SPPL2A: variants seen among roughly 807,000 people sequenced by gnomAD.
The protein encoded by SPPL2A is signal peptide peptidase like 2A, also known as signal peptide peptidase-like 2A.
SPPL2A carries 51 observed loss-of-function variants against 63.8 expected under a neutral mutation model. The ratio of observed to expected loss-of-function variants is 0.80; its 90% CI spans 0.64 to 1.01. The LOEUF (loss-of-function observed/expected upper bound fraction) is 1.01. Among genes scored for constraint, SPPL2A ranks in the 50% least tolerant of loss-of-function variants. SPPL2A has a pLI of 0.00. For missense variants in SPPL2A, 553 were observed against 622.7 expected, an observed-to-expected ratio of 0.89 and a Z score of 1.19; for synonymous variants, 188 against 205.8, an observed-to-expected ratio of 0.91 and a Z score of 0.74.
intron 1 of SPPL2A, among the ~76,000 whole-genome samples, chr15:50,765,263 T>C (rs1048107107): frequency 6.8e-6 from 1 of 147,952 alleles, no homozygotes; most frequent in African/African-American, 2.5e-5. Flanking sequence ...GGCGGGAAAG[T>C]TGGGGGAAAG....
intron 14 of SPPL2A, among the ~76,000 whole-genome samples, chr15:50,715,335 G>A (rs2062592534): frequency 6.6e-6 from 1 of 152,032 alleles, no homozygotes; most frequent in African/African-American, 2.4e-5. Flanking sequence ...CAAAGCATTT[G>A]TTCACTGGGA....
chr15:50,725,305 C>T lies in SPPL2A; in HGVS notation c.1165G>A (p.Val389Ile), dbSNP rs2062677423. The T allele has an allele frequency of 1.9e-6, 3 of 1,587,944 alleles. No individual in the cohort carries two copies. The highest frequency in any genetic ancestry group is 1.7e-5 in the Admixed American group (1 of 58,210). ...NNEKLPVVIRVPKLIYFSVMS... is the reference protein window; with the variant it reads ...NNEKLPVVIRIPKLIYFSVMS... ...ACTGAGAAATAGATCAGTTTTGGTACTCTGATGACTACTGGCAACTGTTCA... is the reference window on the plus strand; with the variant it reads ...ACTGAGAAATAGATCAGTTTTGGTATTCTGATGACTACTGGCAACTGTTCA... Residue 389 changes from valine to isoleucine, a missense_variant, in exon 12 of 15, where the codon GTA (valine) becomes ATA (isoleucine). Transcript: ENST00000261854.
At chr15:50,761,804 C>T (rs563627288) in intron 1 of SPPL2A, among the ~76,000 whole-genome samples, 3 of 151,112 alleles carry the variant, frequency 2.0e-5, no homozygotes, top group South Asian at 2.1e-4. Flanking sequence ...GGCATCACGA[C>T]GTGCACCTGT....
At chr15:50,718,058 G>A (rs137861878) in intron 14 of SPPL2A, among the ~76,000 whole-genome samples, 1,900 of 131,770 alleles carry the variant, frequency 0.014, 52 homozygotes, top group East Asian at 0.1. Context: ...TGCAAGCTCC[G>A]CCTCCCAGGT....
rs1302082969 is a variant in SPPL2A at position 50,705,871 on chromosome 15, T to C, written c.*1929A>G. On this transcript the variant is annotated 3_prime_UTR_variant, in exon 15 of 15. Coordinates refer to ENST00000261854, the MANE Select transcript of SPPL2A (RefSeq NM_032802.4). ...GATATAGTTCTGTTCACATATTTTATACATTATTTACAGAGAAATGAAAAA... is the reference window on the plus strand; with the variant it reads ...GATATAGTTCTGTTCACATATTTTACACATTATTTACAGAGAAATGAAAAA... 3 of 152,212 alleles carry C rather than the reference T, an allele frequency of 2.0e-5. No homozygotes were observed. Among genetic ancestry groups the C allele is most frequent in the African/African-American group, 7.2e-5 (3 of 41,454 alleles). The allele number at this position is 152,212 out of a possible 1,614,324, so 9.4% of individuals were successfully genotyped here. A position where few individuals can be genotyped will look rare whatever the true frequency, so the allele number is the denominator to read the frequency against.
Position 50,703,502 on chromosome 15 carries a change from A to T in SPPL2A, c.*4298T>A, listed in dbSNP as rs1567144150. 1 of 150,342 alleles carries T rather than the reference A, an allele frequency of 6.7e-6. No individual in the cohort carries two copies. The highest frequency in any genetic ancestry group is 2.0e-4 in the East Asian group (1 of 5,124). 9.3% of individuals were successfully genotyped at this position (150,342 alleles called of 1,614,324 possible). Reference sequence around the variant, plus strand: ...CTCAGTCTCCTGAGTAGCTGGGGTTACAGGCGAGCCCCACCACACCCAGCT... The same window carrying T: ...CTCAGTCTCCTGAGTAGCTGGGGTTTCAGGCGAGCCCCACCACACCCAGCT... On this transcript the variant is annotated 3_prime_UTR_variant, in exon 15 of 15. Coordinates refer to ENST00000261854, the MANE Select transcript of SPPL2A (RefSeq NM_032802.4).
intron 1 of SPPL2A, among the ~76,000 whole-genome samples, chr15:50,760,232 AAG>A (rs1596401471): frequency 6.6e-6 from 1 of 151,878 alleles, no homozygotes; most frequent in Admixed American, 6.6e-5. Flanking sequence ...TCACATGGCA[AAG>A]AGAGAGAGAA....
In SPPL2A at chr15:50,720,117, A is replaced by C; in HGVS notation, c.1328-17T>G. Reference sequence around the variant, plus strand: ...TAGCATAGGCTGCAAGAAGAATACCAAGCTATAAGTCATTTCTACATGTTA... The same window carrying C: ...TAGCATAGGCTGCAAGAAGAATACCCAGCTATAAGTCATTTCTACATGTTA... On this transcript the variant is annotated splice_polypyrimidine_tract_variant and intron_variant, in intron 13 of 14. Transcript: ENST00000261854. 6.3e-7 allele frequency: 1 copy of C among 1,594,730 alleles called. No homozygotes were observed. Among genetic ancestry groups the C allele is most frequent in the Non-Finnish European group, 8.5e-7 (1 of 1,173,052 alleles).
chr15:50,755,912 G>A (rs981847534), intron 1 of SPPL2A, among the ~76,000 whole-genome samples: 2 of 151,814 alleles, frequency 1.3e-5, no homozygotes, highest in African/African-American at 2.4e-5. Flanking sequence ...CAGCCACCAC[G>A]CTTGGCCTGA....
chr15:50,736,839 T>A (rs2062774946), intron 6 of SPPL2A, 99 bp from the exon 7 acceptor site: 1 of 604,616 alleles, frequency 1.7e-6, no homozygotes, highest in Non-Finnish European at 3.0e-6. Flanking sequence ...CTTTATTGAA[T>A]CATACTTCCA....
chr15:50,710,278 T>C (rs754694983), intron 14 of SPPL2A, among the ~76,000 whole-genome samples: 2 of 152,302 alleles, frequency 1.3e-5, no homozygotes, highest in East Asian at 1.9e-4. Flanking sequence ...GTTAGCACAG[T>C]AGGTAGTGAG....
At chr15:50,759,110 C>A (rs991877377) in intron 1 of SPPL2A, among the ~76,000 whole-genome samples, 2 of 151,964 alleles carry the variant, frequency 1.3e-5, no homozygotes, top group Non-Finnish European at 2.9e-5. Flanking sequence ...TATTATACTG[C>A]GCAGCCTGGC....
At position 50,765,649 on chromosome 15, in the gene SPPL2A, G is replaced by A. The variant is rs2063054528; in HGVS notation, c.-116C>T. The A allele has an allele frequency of 4.6e-6, 3 of 646,246 alleles. No individual in the cohort carries two copies. Among genetic ancestry groups the A allele is most frequent in the South Asian group, 4.0e-5 (1 of 25,038 alleles). 40.0% of individuals were successfully genotyped at this position (646,246 alleles called of 1,614,324 possible). ...GGCCGGACCGGACCGGACAGGCGCG[G>A]GCGGCCGGGCTACGACTGGACCGCC... On this transcript the variant is annotated 5_prime_UTR_variant, in exon 1 of 15. Coordinates refer to ENST00000261854, the MANE Select transcript of SPPL2A (RefSeq NM_032802.4).
chr15:50,715,310 TTGGA>T (rs1415462458), intron 14 of SPPL2A, among the ~76,000 whole-genome samples: 2 of 152,072 alleles, frequency 1.3e-5, no homozygotes, highest in African/African-American at 2.4e-5. Flanking sequence ...AGAATGAAAC[TTGGA>T]TGGTCCAGGG....
rs2062868807 is a variant in SPPL2A, at chr15:50,747,616, T to C, written c.463A>G (p.Asn155Asp). The change falls in exon 5 of 15, where the codon AAC becomes GAC. Residue 155 changes from asparagine (N) to aspartate (D), a missense_variant. Coordinates refer to ENST00000261854, the MANE Select transcript of SPPL2A (RefSeq NM_032802.4). ...FRDMNQTLGD[N>D]ITVKMYSPSW... ...GGAGAATACATTTTCACAGTAATGT[T>C]ATCTCCTAGAGTCTGAAAGGCAAAA... 3 of 1,607,546 alleles carry C rather than the reference T, an allele frequency of 1.9e-6. No individual in the cohort carries two copies. The highest frequency in any genetic ancestry group is 2.5e-6 in the Non-Finnish European group (3 of 1,176,524).
At chr15:50,747,663 ACTTTT>A in intron 4 of SPPL2A, 35 bp from the exon 5 acceptor site, 1 of 1,538,066 alleles carries the variant, frequency 6.5e-7, no homozygotes, top group Non-Finnish European at 8.9e-7. Flanking sequence ...CACAGGAATA[ACTTTT>A]CTTTCTACTA....
rs1281831784 is a variant in SPPL2A, at chr15:50,705,092, C to T, written c.*2708G>A. 1 of 152,142 alleles carries T rather than the reference C, an allele frequency of 6.6e-6. No homozygotes were observed. The highest frequency in any genetic ancestry group is 1.5e-5 in the Non-Finnish European group (1 of 68,034). 9.4% of individuals were successfully genotyped at this position (152,142 alleles called of 1,614,324 possible). A position where few individuals can be genotyped will look rare whatever the true frequency, so the allele number is the denominator to read the frequency against. ...GCGCGGTGGCTCATGCCTGCAATCC[C>T]AGCACTTGGGGAGTCTGAGGCGGGC... On this transcript the variant is annotated 3_prime_UTR_variant, in exon 15 of 15. Transcript: ENST00000261854.
chr15:50,720,230 C>G, intron 13 of SPPL2A, 130 bp from the exon 14 acceptor site: 4 of 649,618 alleles, frequency 6.2e-6, no homozygotes, highest in African/African-American at 1.8e-5. Flanking sequence ...CTTGTAATTT[C>G]ATCATTTTCC....
At chr15:50,725,527 T>C in intron 11 of SPPL2A, 1 of 387,728 alleles carries the variant, frequency 2.6e-6, no homozygotes, top group Non-Finnish European at 4.6e-6. Context: ...GCCTCCCAGG[T>C]TCAAGCAATT....
Sources: allele counts gnomAD v4.1 joint callset (sites outside exome capture counted in the v4.1 genomes callset), GRCh38; gene constraint gnomAD v4.1.1; transcripts MANE v1.5; gene names NCBI Gene and HGNC (gene_info 2026-07-23, HGNC 2026-07-21).